The following ITK variants were observed in gnomAD, a reference collection of about 807,000 sequenced individuals.
ITK encodes tyrosine-protein kinase ITK/TSK.
ITK carries 45 observed loss-of-function variants against 87.6 expected under a neutral mutation model. The ratio of observed to expected loss-of-function variants is 0.51; its 90% CI spans 0.40 to 0.66. The LOEUF (loss-of-function observed/expected upper bound fraction) is 0.66, where lower values mean the gene tolerates loss of function less well. Ranked by LOEUF, ITK falls within the 30% of genes least tolerant of loss-of-function variation. The pLI, the probability that ITK is intolerant of heterozygous loss-of-function variation, is 0.00. For missense variants in ITK, 605 were observed against 766.3 expected, an observed-to-expected ratio of 0.79 and a Z score of 2.48; for synonymous variants, 303 against 273.6, an observed-to-expected ratio of 1.11 and a Z score of -1.06.
At chr5:157,240,218 A>G (rs778440201) in intron 10 of ITK, 23 bp downstream of exon 10, 1 of 1,613,116 alleles carries the variant, frequency 6.2e-7, no homozygotes. Flanking sequence ...GCAGGGGTGG[A>G]CCCGGGCCGC....
rs1483804237 is a variant in ITK at position 157,245,770 on chromosome 5, G to A, written c.1494G>A (p.Val498=). 1 of 1,614,198 alleles carries A rather than the reference G, an allele frequency of 6.2e-7. No homozygotes were observed. Among genetic ancestry groups the A allele is most frequent in the Non-Finnish European group, 8.5e-7 (1 of 1,180,018 alleles). Residue 498 remains valine (V), a synonymous_variant, in exon 14 of 17, where the codon GTG becomes GTA. Transcript: ENST00000422843. The part of the protein sequence containing the change: ...CLVGENQVIK[V]SDFGMTRFVL... The stretch of plus-strand genomic sequence containing the variant: ...TGGGAGAAAACCAAGTCATCAAGGT[G>A]TCTGACTTTGGGATGACAAGGTAAA...
intron 1 of ITK, among the ~76,000 whole-genome samples, chr5:157,201,276 T>C (rs246852): frequency 0.68 from 100,714 of 149,092 alleles, 34,214 homozygotes; most frequent in African/African-American, 0.72. Context: ...ATCTGTAAGT[T>C]TGGGAACAAG....
At chr5:157,189,249 C>T (rs1007274329) in intron 1 of ITK, among the ~76,000 whole-genome samples, 1 of 152,176 alleles carries the variant, frequency 6.6e-6, no homozygotes, top group Admixed American at 6.5e-5. Context: ...TCTTTTCTCA[C>T]AATAAAATTA....
chr5:157,199,017 G>A (rs1753907076), intron 1 of ITK, among the ~76,000 whole-genome samples: 1 of 152,046 alleles, frequency 6.6e-6, no homozygotes. Flanking sequence ...CTCCTTCTTT[G>A]GCCTCCCAAA....
At chr5:157,197,739 T>C (rs1460502835) in intron 1 of ITK, among the ~76,000 whole-genome samples, 1 of 152,224 alleles carries the variant, frequency 6.6e-6, no homozygotes, top group African/African-American at 2.4e-5. Context: ...GTAGTCATTA[T>C]GTATGATGAC....
chr5:157,197,317 T>C (rs1011863994), intron 1 of ITK, among the ~76,000 whole-genome samples: 3 of 152,194 alleles, frequency 2.0e-5, no homozygotes, highest in Non-Finnish European at 2.9e-5. Flanking sequence ...TACAAGGGCG[T>C]GCATCATTTC....
chr5:157,197,909 A>G (rs996257609), intron 1 of ITK, among the ~76,000 whole-genome samples: 1 of 152,210 alleles, frequency 6.6e-6, no homozygotes, highest in Non-Finnish European at 1.5e-5. Flanking sequence ...AAATGTTTCC[A>G]TAGAATAAAT....
In ITK at chr5:157,236,364, G is replaced by A. The variant is rs189504991; in HGVS notation, c.769-1745G>A. Among the ~76,000 whole-genome samples, 111 of 144,818 alleles carry A rather than the reference G, an allele frequency of 7.7e-4. 1 individual carries two copies. The highest frequency in any genetic ancestry group is 2.6e-3 in the African/African-American group (104 of 39,316). On this transcript the variant is annotated intron_variant, in intron 8 of 16. Coordinates refer to ENST00000422843, the MANE Select transcript of ITK (RefSeq NM_005546.4). The stretch of plus-strand genomic sequence containing the variant: ...CACTCCAGCCTGGGTGACAGAATGA[G>A]ACTCCATCTTAAAAAAAAAAAAAAA...
chr5:157,222,662 G>A, intron 5 of ITK: 1 of 606,886 alleles, frequency 1.6e-6, no homozygotes, highest in Non-Finnish European at 2.9e-6. Flanking sequence ...ATTCACTGTG[G>A]TCAGAATTTA....
At chr5:157,223,366 C>G (rs964014651) in intron 6 of ITK, among the ~76,000 whole-genome samples, 1 of 152,020 alleles carries the variant, frequency 6.6e-6, no homozygotes, top group Non-Finnish European at 1.5e-5. Context: ...TTAAGTGAGG[C>G]TGAAGGTACA....
intron 9 of ITK, among the ~76,000 whole-genome samples, chr5:157,239,587 C>T (rs1026505667): frequency 6.6e-6 from 1 of 151,948 alleles, no homozygotes; most frequent in Non-Finnish European, 1.5e-5. Flanking sequence ...TCCCGAAATC[C>T]AAGTTCCCAA....
chr5:157,215,982 G>A (rs1219610339), intron 4 of ITK, among the ~76,000 whole-genome samples: 7 of 152,164 alleles, frequency 4.6e-5, no homozygotes, highest in Non-Finnish European at 1.0e-4. Context: ...TGGTCATGCT[G>A]AGCTGTTCCC....
intron 1 of ITK, among the ~76,000 whole-genome samples, chr5:157,203,965 A>C (rs1282951730): frequency 6.6e-6 from 1 of 152,172 alleles, no homozygotes; most frequent in East Asian, 1.9e-4. Context: ...ATAATAACAC[A>C]CTATAAATAT....
intron 1 of ITK, among the ~76,000 whole-genome samples, chr5:157,185,084 G>A (rs1425738901): frequency 6.6e-6 from 1 of 152,090 alleles, no homozygotes; most frequent in Non-Finnish European, 1.5e-5. Context: ...TGGTAGGTGG[G>A]GAGATGGTCC....
In ITK at chr5:157,208,854, T is replaced by C. The variant is rs778076649; in HGVS notation, c.139-35T>C. On this transcript the variant is annotated intron_variant, in intron 1 of 16. Coordinates refer to ENST00000422843, the MANE Select transcript of ITK (RefSeq NM_005546.4). ...ATCTGGACAAAAATATTGTCTTCTT[T>C]CTTACATGAATGGGATGTTCTTCTC... 6 of 1,430,388 alleles carry C rather than the reference T, an allele frequency of 4.2e-6. No individual in the cohort carries two copies. The Admixed American group carries it at 1.0e-4, about 24-fold the overall frequency. 88.6% of individuals were successfully genotyped at this position (1,430,388 alleles called of 1,614,324 possible).
At chr5:157,210,609 A>G (rs2113753498) in intron 2 of ITK, among the ~76,000 whole-genome samples, 1 of 150,306 alleles carries the variant, frequency 6.7e-6, no homozygotes, top group South Asian at 2.1e-4. Context: ...TTAGTTACAT[A>G]TGTATACATG....
intron 1 of ITK, among the ~76,000 whole-genome samples, chr5:157,192,789 G>A (rs1325987324): frequency 6.6e-6 from 1 of 152,170 alleles, no homozygotes; most frequent in Non-Finnish European, 1.5e-5. Context: ...TTCCAACTCT[G>A]TGACCCTTCC....
chr5:157,239,048 A>G (rs1275792930), intron 9 of ITK, among the ~76,000 whole-genome samples: 1 of 152,170 alleles, frequency 6.6e-6, no homozygotes, highest in African/African-American at 2.4e-5. Context: ...CACAGTGTAC[A>G]TCACAGAGGG....
At chr5:157,245,435 A>G in intron 13 of ITK, 1 of 507,504 alleles carries the variant, frequency 2.0e-6, no homozygotes, top group Non-Finnish European at 3.6e-6. Context: ...TTCCTATCAC[A>G]TCAGGTTGCA....
Sources: allele counts gnomAD v4.1 joint callset (sites outside exome capture counted in the v4.1 genomes callset), GRCh38; gene constraint gnomAD v4.1.1; transcripts MANE v1.5; gene names NCBI Gene and HGNC (gene_info 2026-07-23, HGNC 2026-07-21).